SLC44A2: variants seen among roughly 807,000 people sequenced by gnomAD.
The protein encoded by SLC44A2 is solute carrier family 44 member 2 (CTL2 blood group), also known as choline transporter-like protein 2.
Under a neutral mutation model 90.8 loss-of-function variants are expected in SLC44A2, and 57 were observed. The observed-to-expected ratio is 0.63, with a 90% CI of 0.51 to 0.78. The LOEUF (loss-of-function observed/expected upper bound fraction) is 0.78. SLC44A2 is among the 30% of genes least tolerant of loss of function. The probability of loss-of-function intolerance (pLI) is 0.00; values close to 1 mark genes in which losing one functional copy is unlikely to be tolerated. For missense variants in SLC44A2, 794 were observed against 919.7 expected (o/e 0.86, Z 1.77); for synonymous variants, 355 against 360.7 (o/e 0.98, Z 0.18).
Position 10,635,381 on chromosome 19 carries a change from G to A in SLC44A2, c.1149-50G>A, listed in dbSNP as rs373559273. The A allele has an allele frequency of 3.1e-6, 5 of 1,610,222 alleles. No homozygotes were observed. In the African/African-American group the frequency reaches 4.0e-5, roughly 13 times the overall value. On this transcript the variant is annotated intron_variant, in intron 13 of 21. Coordinates refer to ENST00000335757, the MANE Select transcript of SLC44A2 (RefSeq NM_020428.4). ...GGAGAATGGATTCTTTCCCACAAAA[G>A]TCCCTGGGGTCCTCAGTCCTAGACC...
intron 1 of SLC44A2, among the ~76,000 whole-genome samples, chr19:10,604,285 G>A (rs561952785): frequency 3.0e-4 from 46 of 152,346 alleles, no homozygotes; most frequent in Admixed American, 1.8e-3. Flanking sequence ...TGAGCCAGCC[G>A]TGGGAAGATT....
chr19:10,626,692 G>A (rs941835158), intron 2 of SLC44A2, among the ~76,000 whole-genome samples: 1 of 151,722 alleles, frequency 6.6e-6, no homozygotes, highest in African/African-American at 2.4e-5. Context: ...AAAGTGCTGG[G>A]ATTACAGGTG....
chr19:10,639,447 G>T (rs947493085), intron 20 of SLC44A2, among the ~76,000 whole-genome samples: 73 of 149,100 alleles, frequency 4.9e-4, no homozygotes, highest in Non-Finnish European at 9.5e-4. Context: ...TGTGGGGGGG[G>T]TCCAGGTGGT....
At chr19:10,602,757 G>GC (rs1485896629) in intron 1 of SLC44A2, among the ~76,000 whole-genome samples, 1 of 152,148 alleles carries the variant, frequency 6.6e-6, no homozygotes, top group Non-Finnish European at 1.5e-5. Flanking sequence ...CTCCCCGGGA[G>GC]CCCCAGCTCC....
At chr19:10,620,850 G>A (rs2066890352), upstream of SLC44A2, among the ~76,000 whole-genome samples, 1 of 151,950 alleles carries the variant, frequency 6.6e-6, no homozygotes, top group African/African-American at 2.4e-5. Context: ...ACCAGCCTTG[G>A]GCAACATAGC....
intron 10 of SLC44A2, among the ~76,000 whole-genome samples, chr19:10,633,805 A>G (rs1221064225): frequency 6.6e-6 from 1 of 152,104 alleles, no homozygotes; most frequent in Non-Finnish European, 1.5e-5. Context: ...ATGCTTGGCA[A>G]TCCAATTTGA....
intron 1 of SLC44A2, among the ~76,000 whole-genome samples, chr19:10,602,867 C>A (rs1918002081): frequency 6.6e-6 from 1 of 152,142 alleles, no homozygotes; most frequent in Non-Finnish European, 1.5e-5. Context: ...GGAGGCGCGG[C>A]GATCTGGGCT....
chr19:10,615,625 G>A (rs1287654627), intron 1 of SLC44A2, among the ~76,000 whole-genome samples: 1 of 151,792 alleles, frequency 6.6e-6, no homozygotes, highest in African/African-American at 2.4e-5. Flanking sequence ...GGAAGAGGAA[G>A]AGGAAGGGGA....
intron 1 of SLC44A2, among the ~76,000 whole-genome samples, chr19:10,608,954 C>CTTTTT (rs35684067): frequency 4.4e-4 from 49 of 111,194 alleles, no homozygotes; most frequent in Middle Eastern, 6.2e-3. Context: ...CCCAGCCTAC[C>CTTTTT]TTTTTTTTTT....
At position 10,643,309 on chromosome 19, in the gene SLC44A2, C is replaced by T. The variant is rs751010600; in HGVS notation, c.2045C>T (p.Ala682Val). ...LEDLERNDGS[A>V]ERPYFMSSTL... ...GACCTGGAGAGGAATGACGGCTCGG[C>T]CGAGAGGCCTTACTTCATGTCTTCC... The change falls in exon 22 of 22, where the codon GCC becomes GTC. Residue 682 changes from alanine (A) to valine (V), a missense_variant. Physicochemically the swap from Ala to Val is moderately conservative, Grantham distance 64 (BLOSUM62 0). This residue lies in a region of SLC44A2 where 44 missense variants were observed against 43.9 expected (regional missense o/e 1.00). Coordinates refer to ENST00000335757, the MANE Select transcript of SLC44A2 (RefSeq NM_020428.4). 17 of 1,610,406 alleles carry T rather than the reference C, an allele frequency of 1.1e-5. No homozygotes were observed. Among genetic ancestry groups the T allele is most frequent in the Middle Eastern group, 1.6e-4 (1 of 6,080 alleles).
At chr19:10,613,270 G>C (rs541772138) in intron 1 of SLC44A2, among the ~76,000 whole-genome samples, 1 of 147,066 alleles carries the variant, frequency 6.8e-6, no homozygotes, top group South Asian at 2.2e-4. Flanking sequence ...TTTTTTTTGA[G>C]ATGGAGTCTT....
At chr19:10,617,219 C>T (rs951912866) in intron 1 of SLC44A2, among the ~76,000 whole-genome samples, 22 of 152,122 alleles carry the variant, frequency 1.4e-4, no homozygotes, top group African/African-American at 5.3e-4. Flanking sequence ...CACGCCCAGC[C>T]CTTGTTCTTC....
At chr19:10,619,885 G>C (rs2066884316) in intron 1 of SLC44A2, among the ~76,000 whole-genome samples, 1 of 151,988 alleles carries the variant, frequency 6.6e-6, no homozygotes, top group African/African-American at 2.4e-5. Context: ...AACCTGGGAG[G>C]CTGAGGTTGC....
intron 20 of SLC44A2, among the ~76,000 whole-genome samples, chr19:10,639,882 A>C (rs1055012724): frequency 4.0e-5 from 6 of 149,188 alleles, no homozygotes; most frequent in Admixed American, 1.3e-4. Flanking sequence ...CTCTCTCTCA[A>C]AAAAAAAAAA....
intron 1 of SLC44A2, among the ~76,000 whole-genome samples, chr19:10,615,128 A>G (rs1313123131): frequency 6.6e-6 from 1 of 151,736 alleles, no homozygotes; most frequent in African/African-American, 2.4e-5. Flanking sequence ...GTGGAAGTGG[A>G]TCATCAAAAA....
rs117803000 is a variant in SLC44A2 at position 10,628,501 on chromosome 19, A to G, written c.245+497A>G. 1.4e-4 allele frequency among the ~76,000 whole-genome samples: 22 copies of G among 152,120 alleles called. 1 individual carries two copies. The East Asian group carries it at 3.5e-3, about 24-fold the overall frequency. On this transcript the variant is annotated intron_variant, in intron 4 of 21. Coordinates refer to ENST00000335757, the MANE Select transcript of SLC44A2 (RefSeq NM_020428.4). ...TGGGAGGCCAAGGCTGCAGTAAGGT[A>G]TGATTGTACCATTGCACTCCAGCCT...
At chr19:10,613,957 T>A (rs1311870283) in intron 1 of SLC44A2, among the ~76,000 whole-genome samples, 1 of 152,024 alleles carries the variant, frequency 6.6e-6, no homozygotes, top group Non-Finnish European at 1.5e-5. Context: ...TTTGTGGTTT[T>A]TATTTATTAT....
chr19:10,635,398 T>C (rs1568453270), intron 13 of SLC44A2, 33 bp from the exon 14 acceptor site: 1 of 1,613,330 alleles, frequency 6.2e-7, no homozygotes. Flanking sequence ...GGGTCCTCAG[T>C]CCTAGACCTC....
rs974981624 is a variant in SLC44A2 at position 10,631,889 on chromosome 19, G to A, written c.648G>A (p.Glu216=). 1 of 1,614,126 alleles carries A rather than the reference G, an allele frequency of 6.2e-7. No individual in the cohort carries two copies. The highest frequency in any genetic ancestry group is 8.5e-7 in the Non-Finnish European group (1 of 1,180,048). Residue 216 remains glutamate (E), a synonymous_variant, in exon 9 of 22, where the codon GAG becomes GAA. Transcript: ENST00000335757. ...CCAGGAAAGCCAATGGAGTCCTAGAGGCGCGGCAACTCGCCATGCGCATAT... is the reference window on the plus strand; with the variant it reads ...CCAGGAAAGCCAATGGAGTCCTAGAAGCGCGGCAACTCGCCATGCGCATAT... ...EGAKKANGVL[E]ARQLAMRIFE...
Sources: allele counts gnomAD v4.1 joint callset (sites outside exome capture counted in the v4.1 genomes callset), GRCh38; gene constraint gnomAD v4.1.1; regional missense constraint gnomAD v4.1.1; transcripts MANE v1.5; gene names NCBI Gene and HGNC (gene_info 2026-07-23, HGNC 2026-07-21).